PCDHGA2: variants seen among roughly 807,000 people sequenced by gnomAD.
PCDHGA2 encodes protocadherin gamma subfamily A, 2.
A neutral mutation model predicts 59.2 loss-of-function variants in PCDHGA2; 40 were observed. The observed-to-expected ratio is 0.68, with a 90% CI of 0.52 to 0.88. The LOEUF is 0.88. PCDHGA2 is among the 40% of genes least tolerant of loss of function. The pLI is 0.00. For synonymous variants in PCDHGA2, 560 were observed against 526.0 expected, an observed-to-expected ratio of 1.06 and a Z score of -0.89; for missense variants, 1,226 against 1,204.0, an observed-to-expected ratio of 1.02 and a Z score of -0.27.
chr5:141,365,142 A>T (rs1168867612), intron 1 of PCDHGA2: 2 of 1,613,832 alleles, frequency 1.2e-6, no homozygotes, highest in Non-Finnish European at 1.7e-6. Flanking sequence ...GATCCAGATG[A>T]GGGAATAAAC....
chr5:141,384,102 T>C, intron 1 of PCDHGA2: 1 of 1,599,484 alleles, frequency 6.3e-7, no homozygotes, highest in Non-Finnish European at 8.5e-7. Context: ...TAGATAATTA[T>C]TATAGATTGG....
At chr5:141,392,893 G>C in intron 1 of PCDHGA2, 1 of 1,613,780 alleles carries the variant, frequency 6.2e-7, no homozygotes, top group South Asian at 1.1e-5. Flanking sequence ...TGGGAAATCG[G>C]GAGGGGACAG....
intron 1 of PCDHGA2, chr5:141,390,342 G>A (rs1484978612): frequency 6.3e-7 from 1 of 1,581,534 alleles, no homozygotes; most frequent in Non-Finnish European, 8.6e-7. Context: ...ATATTCACAA[G>A]AAAATATACA....
chr5:141,408,870 G>A (rs780987841), intron 1 of PCDHGA2: 1 of 1,613,656 alleles, frequency 6.2e-7, no homozygotes, highest in South Asian at 1.1e-5. Context: ...CCACCAAGAA[G>A]TGCCACCGCT....
intron 1 of PCDHGA2, among the ~76,000 whole-genome samples, chr5:141,381,392 A>G (rs887778756): frequency 6.6e-6 from 1 of 152,096 alleles, no homozygotes; most frequent in Non-Finnish European, 1.5e-5. Flanking sequence ...ATTTAGTTTT[A>G]CTCTATCAAC....
At chr5:141,467,604 CT>C (rs2099147202) in intron 1 of PCDHGA2, among the ~76,000 whole-genome samples, 1 of 152,204 alleles carries the variant, frequency 6.6e-6, no homozygotes, top group Non-Finnish European at 1.5e-5. Context: ...AGCACTTCAT[CT>C]TTGTCCCAGT....
intron 1 of PCDHGA2, chr5:141,417,070 G>A (rs1324168481): frequency 6.6e-6 from 1 of 151,864 alleles, no homozygotes; most frequent in Non-Finnish European, 1.5e-5. Flanking sequence ...TGTAGCTATT[G>A]TGAGAAAATA....
chr5:141,494,173 G>C (rs554811420), intron 1 of PCDHGA2, among the ~76,000 whole-genome samples: 2 of 152,304 alleles, frequency 1.3e-5, no homozygotes, highest in South Asian at 2.1e-4. Flanking sequence ...CTAGGGGTGA[G>C]AAGTGTCCCG....
chr5:141,491,143 C>A lies in PCDHGA2; in HGVS notation c.2425-3664C>A. 1.2e-6 allele frequency: 2 copies of A among 1,614,142 alleles called. No homozygotes were observed. Among genetic ancestry groups the A allele is most frequent in the South Asian group, 1.1e-5 (1 of 91,082 alleles). On this transcript the variant is annotated intron_variant, in intron 1 of 3. Transcript: ENST00000394576. This position sits in a 1 kb window ranked among gnomAD's most constrained non-coding sequence, Gnocchi z 6.9. ...TGAGGTGCGCACAGCCCGGGCCTTA[C>A]TGGAGGATGACTCTGACACCCAGCA... is the stretch of plus-strand genomic sequence containing the variant.
intron 1 of PCDHGA2, chr5:141,423,057 T>C (rs1443300486): frequency 6.2e-7 from 1 of 1,614,060 alleles, no homozygotes; most frequent in Non-Finnish European, 8.5e-7. Flanking sequence ...ATCGCCTGCT[T>C]AAGGCCAGCG....
chr5:141,384,248 C>T (rs1443335110), intron 1 of PCDHGA2: 2 of 1,613,866 alleles, frequency 1.2e-6, no homozygotes, highest in South Asian at 2.2e-5. Flanking sequence ...GATAACCCAC[C>T]CACCTTCCCC....
At chr5:141,389,325 C>T (rs368804822) in intron 1 of PCDHGA2, 6 of 1,613,886 alleles carry the variant, frequency 3.7e-6, no homozygotes, top group Admixed American at 3.3e-5. Flanking sequence ...GGACTTGGGG[C>T]CCAACGGCCA....
chr5:141,431,476 A>G lies in PCDHGA2; in HGVS notation c.2425-63331A>G, dbSNP rs975772031. 1.9e-6 allele frequency: 3 copies of G among 1,613,864 alleles called. No homozygotes were observed. Among genetic ancestry groups the G allele is most frequent in the Admixed American group, 3.3e-5 (2 of 60,032 alleles). ...TGGTTCTGGATGCGAACGACAACGC[A>G]CCAGCGTTTGCTCAGCCCGAGTACC... On this transcript the variant is annotated intron_variant, in intron 1 of 3. Coordinates refer to ENST00000394576, the MANE Select transcript of PCDHGA2 (RefSeq NM_018915.4). This position sits in a 1 kb window ranked among gnomAD's most constrained non-coding sequence, Gnocchi z 4.8.
At chr5:141,478,127 C>A (rs1323163663) in intron 1 of PCDHGA2, 1 of 1,614,106 alleles carries the variant, frequency 6.2e-7, no homozygotes, top group South Asian at 1.1e-5. Flanking sequence ...CGAGGACTCT[C>A]CTGAAGCCCG....
chr5:141,494,236 T>C (rs1384800217), intron 1 of PCDHGA2, among the ~76,000 whole-genome samples: 7 of 152,128 alleles, frequency 4.6e-5, no homozygotes, highest in Non-Finnish European at 1.0e-4. Flanking sequence ...AAATTAATAA[T>C]GTATTTAGCT....
At chr5:141,350,027 C>T (rs536709950) in intron 1 of PCDHGA2, 2 of 373,222 alleles carry the variant, frequency 5.4e-6, no homozygotes, top group African/African-American at 2.1e-5. Flanking sequence ...TTTTCCAAGA[C>T]AACCTCTGGG....
At chr5:141,412,195 C>T (rs1326751515) in intron 1 of PCDHGA2, 2 of 152,208 alleles carry the variant, frequency 1.3e-5, no homozygotes, top group African/African-American at 4.8e-5. Context: ...CTGATGAAAA[C>T]AGGTCATTTG....
intron 1 of PCDHGA2, chr5:141,400,298 A>G (rs2093998591): frequency 6.2e-7 from 1 of 1,613,974 alleles, no homozygotes; most frequent in Non-Finnish European, 8.5e-7. Context: ...AGCTGCTTCC[A>G]ACCTGGTCTC....
At chr5:141,419,172 T>A in intron 1 of PCDHGA2, 1 of 1,613,914 alleles carries the variant, frequency 6.2e-7, no homozygotes, top group Non-Finnish European at 8.5e-7. Context: ...AGCAAAACCA[T>A]AACCCTGCAC....
Sources: gnomAD v4.1 joint callset for allele counts (sites outside exome capture counted in the v4.1 genomes callset) on GRCh38, gnomAD v4.1.1 for gene constraint, Gnocchi (gnomAD v3.1) non-coding constraint, MANE v1.5 for transcripts, NCBI Gene and HGNC (gene_info 2026-07-23, HGNC 2026-07-21) for gene names.